Variants in CLMP observed in about 807,000 individuals in gnomAD.
CLMP encodes CXADR-like membrane protein.
A neutral mutation model predicts 45.2 loss-of-function variants in CLMP; 27 were observed. The observed-to-expected ratio is 0.60, with a 90% CI of 0.44 to 0.82. CLMP has a LOEUF of 0.82. CLMP is among the 40% of genes least tolerant of loss of function. The pLI, the probability that CLMP is intolerant of heterozygous loss-of-function variation, is 0.00. For missense variants in CLMP, 403 were observed against 448.4 expected (o/e 0.90, Z 0.91); for synonymous variants, 167 against 171.4 (o/e 0.97, Z 0.20).
chr11:123,173,166 G>A (rs939242784), intron 1 of CLMP, among the ~76,000 whole-genome samples: 3 of 152,210 alleles, frequency 2.0e-5, no homozygotes, highest in African/African-American at 4.8e-5. Context: ...CAAAGAGCTC[G>A]GTTCTGGGAC....
Position 123,130,197 on chromosome 11 carries a change from T to A in CLMP, c.29-32245A>T, listed in dbSNP as rs1860965551. Among the ~76,000 whole-genome samples, 3 of 152,156 alleles carry A rather than the reference T, an allele frequency of 2.0e-5. No individual in the cohort carries two copies. In the South Asian group the frequency reaches 6.2e-4, roughly 32 times the overall value. On this transcript the variant is annotated intron_variant, in intron 1 of 6. Transcript: ENST00000448775. ...GCTGGAGAACACTGCATGGTATTCA[T>A]CTTTCAGAAATTTGAAACTCTGGGA...
intron 1 of CLMP, among the ~76,000 whole-genome samples, chr11:123,171,096 G>A (rs1375576636): frequency 1.3e-5 from 2 of 152,180 alleles, no homozygotes; most frequent in Admixed American, 1.3e-4. Flanking sequence ...GTTTCCCAGA[G>A]GGGCTAACCT....
At chr11:123,174,341 T>G (rs1054423143) in intron 1 of CLMP, among the ~76,000 whole-genome samples, 2 of 152,220 alleles carry the variant, frequency 1.3e-5, no homozygotes, top group South Asian at 2.1e-4. Flanking sequence ...AAATTCTGAT[T>G]GTTTCCTTCC....
chr11:123,137,147 C>CTTTTT (rs375816483), intron 1 of CLMP, among the ~76,000 whole-genome samples: 146 of 82,450 alleles, frequency 1.8e-3, no homozygotes, highest in East Asian at 3.3e-3. Context: ...TTTTCTTTTT[C>CTTTTT]TTTTTTTTTT....
chr11:123,073,339 C>T lies in CLMP; in HGVS notation c.*135G>A, dbSNP rs1337552808. On this transcript the variant is annotated 3_prime_UTR_variant, in exon 7 of 7. Transcript: ENST00000448775. ...GTATAAGGAAAATGCTCATCTGAAT[C>T]TGTTCCGTGCAATGCTCACTGCTAC... 3.1e-6 allele frequency: 3 copies of T among 962,746 alleles called. No individual in the cohort carries two copies. The highest frequency in any genetic ancestry group is 3.3e-5 in the South Asian group (2 of 59,942). 59.6% of individuals were successfully genotyped at this position (962,746 alleles called of 1,614,324 possible). A position where few individuals can be genotyped will look rare whatever the true frequency, so the allele number is the denominator to read the frequency against.
intron 1 of CLMP, among the ~76,000 whole-genome samples, chr11:123,184,335 A>T (rs1400114275): frequency 6.6e-6 from 1 of 152,150 alleles, no homozygotes; most frequent in Non-Finnish European, 1.5e-5. Flanking sequence ...ACCTCAGGGG[A>T]TCCTGCCGCC....
Position 123,073,688 on chromosome 11 carries a change from G to C in CLMP, c.908C>G (p.Ser303Cys), listed in dbSNP as rs1031561696. 1.2e-6 allele frequency: 2 copies of C among 1,614,098 alleles called. No homozygotes were observed. The highest frequency in any genetic ancestry group is 1.3e-5 in the African/African-American group (1 of 74,936). The part of the protein sequence containing the change: ...GSRSSRSGSS[S>C]TRSTANSASR... ...GGCACTATTTGCTGTGGAGCGAGTG[G>C]AGGAAGAACCAGAGCGTGAGCTCCG... The change falls in exon 7 of 7, where the codon TCC (serine) becomes TGC (cysteine). Residue 303 changes from serine (S) to cysteine (C), a missense_variant. Transcript: ENST00000448775.
intron 1 of CLMP, among the ~76,000 whole-genome samples, chr11:123,144,015 G>A (rs1861202694): frequency 6.6e-6 from 1 of 152,056 alleles, no homozygotes; most frequent in African/African-American, 2.4e-5. Context: ...CACCATGTTG[G>A]ACAGGCTGGT....
chr11:123,112,262 G>T (rs1160937926), intron 1 of CLMP, among the ~76,000 whole-genome samples: 2 of 152,028 alleles, frequency 1.3e-5, no homozygotes, highest in Non-Finnish European at 2.9e-5. Flanking sequence ...AGAATCTCAA[G>T]CTTGGGCAGG....
At chr11:123,092,164 G>A (rs1865937903) in intron 2 of CLMP, among the ~76,000 whole-genome samples, 1 of 152,044 alleles carries the variant, frequency 6.6e-6, no homozygotes, top group African/African-American at 2.4e-5. Flanking sequence ...GTGACTCCCT[G>A]CTTCAACCTG....
At chr11:123,116,820 T>G (rs1860726794) in intron 1 of CLMP, among the ~76,000 whole-genome samples, 2 of 152,346 alleles carry the variant, frequency 1.3e-5, no homozygotes, top group South Asian at 4.1e-4. Flanking sequence ...CAATTCTTTT[T>G]CATACATATT....
rs1861964398 is a variant in CLMP at position 123,195,111 on chromosome 11, G to A, written c.-171C>T. 3 of 392,220 alleles carry A rather than the reference G, an allele frequency of 7.6e-6. No individual in the cohort carries two copies. Among genetic ancestry groups the A allele is most frequent in the African/African-American group, 4.2e-5 (2 of 47,818 alleles). 24.3% of individuals were successfully genotyped at this position (392,220 alleles called of 1,614,324 possible). A position where few individuals can be genotyped will look rare whatever the true frequency, so the allele number is the denominator to read the frequency against. ...GGCCCCGCGCCCCGTGCCCCTGGGG[G>A]CAGATGGGCTCCCGGCGCTCGCCCC... is the stretch of plus-strand genomic sequence containing the variant. On this transcript the variant is annotated 5_prime_UTR_variant, in exon 1 of 7. Coordinates refer to ENST00000448775, the MANE Select transcript of CLMP (RefSeq NM_024769.5).
In CLMP at chr11:123,073,673, G is replaced by T. The variant is rs768130579; in HGVS notation, c.923C>A (p.Ala308Glu). Residue 308 changes from alanine (A) to glutamate (E), a missense_variant, in exon 7 of 7, where the codon GCA becomes GAA. Ala to Glu is a moderately radical substitution (Grantham distance 107, BLOSUM62 -1). Coordinates refer to ENST00000448775, the MANE Select transcript of CLMP (RefSeq NM_024769.5). ...RSGSSSTRST[A>E]NSASRSQRTL... ...CCGCTGGCTGCGTGAGGCACTATTT[G>T]CTGTGGAGCGAGTGGAGGAAGAACC... The T allele has an allele frequency of 1.7e-5, 28 of 1,614,116 alleles. No individual in the cohort carries two copies. Among genetic ancestry groups the T allele is most frequent in the Non-Finnish European group, 2.3e-5 (27 of 1,180,048 alleles).
intron 1 of CLMP, chr11:123,191,468 G>C (rs144252468): frequency 1.3e-5 from 2 of 152,150 alleles, no homozygotes; most frequent in African/African-American, 4.8e-5. Flanking sequence ...GCGAAACCAG[G>C]CTCCTTCCCC....
intron 1 of CLMP, among the ~76,000 whole-genome samples, chr11:123,115,899 G>T (rs1463827250): frequency 1.3e-5 from 2 of 152,142 alleles, no homozygotes; most frequent in African/African-American, 4.8e-5. Flanking sequence ...TGGCTTAGCT[G>T]GGTGGCTCTG....
In CLMP at chr11:123,084,733, A is replaced by G; in HGVS notation, c.187-20T>C. On this transcript the variant is annotated intron_variant, in intron 2 of 6. Coordinates refer to ENST00000448775, the MANE Select transcript of CLMP (RefSeq NM_024769.5). ...GATCACCTGTGGGATAGACCGAGGC[A>G]GAGTCAAGCAGCGTAACTCTCAGCC... 6.2e-7 allele frequency: 1 copy of G among 1,606,804 alleles called. No homozygotes were observed. Among genetic ancestry groups the G allele is most frequent in the South Asian group, 1.1e-5 (1 of 90,974 alleles).
chr11:123,127,960 C>T (rs902996319), intron 1 of CLMP, among the ~76,000 whole-genome samples: 1 of 147,694 alleles, frequency 6.8e-6, no homozygotes, highest in Non-Finnish European at 1.5e-5. Flanking sequence ...TCACTTGAAC[C>T]AGGGAGGCAA....
Position 123,110,633 on chromosome 11 carries a change from G to A in CLMP, c.29-12681C>T, listed in dbSNP as rs889904529. ...AACTTCTCAAAGAAAAAAAAATGGT[G>A]TTGGTACAAAGACCAAGGTGACAAC... On this transcript the variant is annotated intron_variant, in intron 1 of 6. Coordinates refer to ENST00000448775, the MANE Select transcript of CLMP (RefSeq NM_024769.5). Among the ~76,000 whole-genome samples, 7 of 152,116 alleles carry A rather than the reference G, an allele frequency of 4.6e-5. 1 individual carries two copies. Among genetic ancestry groups the A allele is most frequent in the Admixed American group, 6.6e-5 (1 of 15,234 alleles).
chr11:123,131,551 A>G (rs1325128257), intron 1 of CLMP, among the ~76,000 whole-genome samples: 1 of 152,104 alleles, frequency 6.6e-6, no homozygotes, highest in Non-Finnish European at 1.5e-5. Context: ...TGGTTACTTG[A>G]GTGGGTTTGG....
Sources: gnomAD v4.1 joint callset for allele counts (sites outside exome capture counted in the v4.1 genomes callset) on GRCh38, gnomAD v4.1.1 for gene constraint, MANE v1.5 for transcripts, NCBI Gene and HGNC (gene_info 2026-07-23, HGNC 2026-07-21) for gene names.